Variants in MGAT4C observed in about 807,000 individuals in gnomAD.
MGAT4C encodes the protein MGAT4 family member C, also known as alpha-1,3-mannosyl-glycoprotein 4-beta-N-acetylglucosaminyltransferase C.
Under a neutral mutation model 40.1 loss-of-function variants are expected in MGAT4C, and 19 were observed. The observed-to-expected ratio is 0.47, with a 90% CI of 0.33 to 0.70. The LOEUF (loss-of-function observed/expected upper bound fraction) is 0.70. MGAT4C is among the 30% of genes least tolerant of loss of function. MGAT4C has a pLI of 0.02. For missense variants in MGAT4C, 491 were observed against 563.2 expected (o/e 0.87, Z 1.30); for synonymous variants, 181 against 187.1 (o/e 0.97, Z 0.27).
At chr12:86,758,390 T>TAAA (rs5799793) in intron 1 of MGAT4C, among the ~76,000 whole-genome samples, 1 of 129,250 alleles carries the variant, frequency 7.7e-6, no homozygotes, top group African/African-American at 2.6e-5. Flanking sequence ...TTTTTTTTTT[T>TAAA]AAAAAAAAGA....
chr12:86,085,469 C>T (rs1188762205), intron 1 of MGAT4C, among the ~76,000 whole-genome samples: 1 of 152,030 alleles, frequency 6.6e-6, no homozygotes, highest in African/African-American at 2.4e-5. Flanking sequence ...GAATCTTTCC[C>T]CATTGTTTGT....
chr12:86,476,486 A>G (rs1198509581), intron 2 of MGAT4C, among the ~76,000 whole-genome samples: 1 of 152,120 alleles, frequency 6.6e-6, no homozygotes, highest in Non-Finnish European at 1.5e-5. Context: ...TTGGGAATAT[A>G]AATTAGTTCA....
intron 1 of MGAT4C, among the ~76,000 whole-genome samples, chr12:86,105,110 T>C (rs901383001): frequency 6.6e-6 from 1 of 152,182 alleles, no homozygotes; most frequent in Non-Finnish European, 1.5e-5. Context: ...AAATCAATCA[T>C]ATCAAGGCAA....
intron 1 of MGAT4C, among the ~76,000 whole-genome samples, chr12:86,774,281 C>CTCTTTCTTTTTCTT (rs1951692960): frequency 1.7e-5 from 1 of 58,934 alleles, no homozygotes; most frequent in Non-Finnish European, 3.5e-5. Context: ...CTAAGGCTTG[C>CTCTTTCTTTTTCTT]TCTTTCTTTC....
At chr12:86,405,773 G>A (rs928675557) in intron 3 of MGAT4C, among the ~76,000 whole-genome samples, 1 of 151,070 alleles carries the variant, frequency 6.6e-6, no homozygotes, top group African/African-American at 2.4e-5. Context: ...ATAGTTTGAT[G>A]GACCAGAATA....
chr12:86,766,990 G>C lies in MGAT4C; in HGVS notation c.-261-39749C>G, dbSNP rs1005119855. On this transcript the variant is annotated intron_variant, in intron 1 of 7. Coordinates refer to the MGAT4C transcript ENST00000548651. Reference sequence around the variant, plus strand: ...AAGCAAGAGCAAACACATTCAAAAGGTAGCAGAAGGCAAGAAATAACTAAA... The same window carrying C: ...AAGCAAGAGCAAACACATTCAAAAGCTAGCAGAAGGCAAGAAATAACTAAA... Among the ~76,000 whole-genome samples the C allele has an allele frequency of 4.8e-3, 722 of 151,652 alleles. 4 individuals are homozygous for C. The highest frequency in any genetic ancestry group is 0.017 in the African/African-American group (692 of 41,320).
chr12:86,631,659 A>G (rs1209028033), intron 2 of MGAT4C, among the ~76,000 whole-genome samples: 1 of 152,062 alleles, frequency 6.6e-6, no homozygotes, highest in Non-Finnish European at 1.5e-5. Context: ...TGGGGAAAGG[A>G]TTCCCTATTT....
chr12:86,079,219 T>C (rs930387765), intron 1 of MGAT4C, among the ~76,000 whole-genome samples: 4 of 152,206 alleles, frequency 2.6e-5, no homozygotes, highest in African/African-American at 9.6e-5. Context: ...ATAGATGTAG[T>C]ACTTAGTTAA....
chr12:86,134,042 CAAG>C (rs1213737588), intron 1 of MGAT4C, among the ~76,000 whole-genome samples: 1 of 151,730 alleles, frequency 6.6e-6, no homozygotes, highest in Non-Finnish European at 1.5e-5. Flanking sequence ...TTCTTGAATT[CAAG>C]AAGAAAAAAC....
rs1265759386 is a variant in MGAT4C at position 85,972,251 on chromosome 12, T to C, written c.*7038A>G. On this transcript the variant is annotated 3_prime_UTR_variant, in exon 5 of 5. Transcript: ENST00000611864. ...TATGTTTGTTTTAGAGCTTAAGAAA[T>C]GTTAAGAAGAGAAGTTACAACTGCA... 2 of 151,112 alleles carry C rather than the reference T, an allele frequency of 1.3e-5. No homozygotes were observed. The highest frequency in any genetic ancestry group is 3.0e-5 in the Non-Finnish European group (2 of 67,298). The allele number at this position is 151,112 out of a possible 1,614,324, so 9.4% of individuals were successfully genotyped here. A position where few individuals can be genotyped will look rare whatever the true frequency, so the allele number is the denominator to read the frequency against.
intron 2 of MGAT4C, among the ~76,000 whole-genome samples, chr12:86,535,289 A>G (rs1370136010): frequency 1.3e-5 from 2 of 152,114 alleles, no homozygotes. Flanking sequence ...ATTTTCACAC[A>G]TCATAATTTT....
intron 1 of MGAT4C, among the ~76,000 whole-genome samples, chr12:86,764,413 G>A (rs1235418998): frequency 6.6e-6 from 1 of 152,162 alleles, no homozygotes; most frequent in Non-Finnish European, 1.5e-5. Flanking sequence ...GCCGGCCTCT[G>A]TAGGCTCCAC....
intron 2 of MGAT4C, among the ~76,000 whole-genome samples, chr12:86,456,829 C>T (rs1957518179): frequency 1.3e-5 from 2 of 152,164 alleles, no homozygotes; most frequent in South Asian, 4.2e-4. Flanking sequence ...AGAAATCTTG[C>T]ATTATGAGCT....
At chr12:86,435,709 A>C (rs1217176218) in intron 2 of MGAT4C, among the ~76,000 whole-genome samples, 2 of 151,858 alleles carry the variant, frequency 1.3e-5, no homozygotes, top group Admixed American at 1.3e-4. Context: ...CTGCTTTGCA[A>C]AAAACCCACA....
intron 2 of MGAT4C, among the ~76,000 whole-genome samples, chr12:86,709,966 C>A (rs1950529238): frequency 6.6e-6 from 1 of 152,110 alleles, no homozygotes; most frequent in African/African-American, 2.4e-5. Flanking sequence ...TTCTCAGAGA[C>A]AACTAAGAGT....
chr12:86,599,785 G>A (rs1961694846), intron 2 of MGAT4C: 1 of 152,036 alleles, frequency 6.6e-6, no homozygotes, highest in African/African-American at 2.4e-5. Flanking sequence ...GGCATTAGGA[G>A]GTAACTTTTG....
intron 2 of MGAT4C, among the ~76,000 whole-genome samples, chr12:86,633,550 T>A (rs867112248): frequency 5.3e-5 from 8 of 152,206 alleles, no homozygotes; most frequent in Non-Finnish European, 1.2e-4. Context: ...CTATACCTAT[T>A]AGGATGCAAA....
chr12:86,175,718 G>A (rs956363100), intron 1 of MGAT4C, among the ~76,000 whole-genome samples: 2 of 149,600 alleles, frequency 1.3e-5, no homozygotes, highest in African/African-American at 4.9e-5. Flanking sequence ...TTGGGAGGCC[G>A]AGGCGGGCGG....
chr12:86,310,938 C>A (rs1161583229), intron 4 of MGAT4C, among the ~76,000 whole-genome samples: 1 of 152,110 alleles, frequency 6.6e-6, no homozygotes, highest in Non-Finnish European at 1.5e-5. Flanking sequence ...AACAAACAAA[C>A]AAAAAAACAA....
Sources: gnomAD v4.1 joint callset for allele counts (sites outside exome capture counted in the v4.1 genomes callset) on GRCh38, gnomAD v4.1.1 for gene constraint, MANE v1.5 for transcripts, NCBI Gene and HGNC (gene_info 2026-07-23, HGNC 2026-07-21) for gene names.